The following MAPKAP1 variants were observed in gnomAD, a reference collection of about 807,000 sequenced individuals.
MAPKAP1 encodes MAPK associated protein 1, also known as target of rapamycin complex 2 subunit MAPKAP1.
A neutral mutation model predicts 65.7 loss-of-function variants in MAPKAP1; 20 were observed. That is an observed-to-expected ratio of 0.30 (90% CI 0.21 to 0.44). The LOEUF (loss-of-function observed/expected upper bound fraction) is 0.44. MAPKAP1 is among the 20% of genes least tolerant of loss of function. The pLI is 1.00. For missense variants in MAPKAP1, 423 were observed against 648.0 expected (o/e 0.65, Z 3.77); for synonymous variants, 222 against 244.3 (o/e 0.91, Z 0.85).
chr9:125,552,019 A>G (rs1830599165), intron 6 of MAPKAP1, among the ~76,000 whole-genome samples: 1 of 152,174 alleles, frequency 6.6e-6, no homozygotes, highest in Non-Finnish European at 1.5e-5. Context: ...GGGGTCAGCC[A>G]AAAACCTTCC....
chr9:125,507,694 C>T (rs1377690098), intron 7 of MAPKAP1, among the ~76,000 whole-genome samples: 3 of 152,190 alleles, frequency 2.0e-5, no homozygotes, highest in Admixed American at 2.0e-4. Context: ...TTTTACACTA[C>T]TTAAATAAAG....
At chr9:125,662,380 T>C (rs1195720875) in intron 3 of MAPKAP1, among the ~76,000 whole-genome samples, 1 of 152,104 alleles carries the variant, frequency 6.6e-6, no homozygotes, top group Non-Finnish European at 1.5e-5. Flanking sequence ...AGACCCTGTT[T>C]CAAAACAAAA....
At chr9:125,594,890 T>A (rs1589323065) in intron 4 of MAPKAP1, among the ~76,000 whole-genome samples, 1 of 152,256 alleles carries the variant, frequency 6.6e-6, no homozygotes, top group Admixed American at 6.5e-5. Flanking sequence ...GTAGAGCAGC[T>A]ATACCTTTTC....
rs375290028 is a variant in MAPKAP1, at chr9:125,693,836, T to TACACACACACACAC, written c.-70+13134_-70+13135insGTGTGTGTGTGTGT. Reference sequence around the variant, plus strand: ...ACACATATACACACACACACATATATATACACACATACACACACACACACA... The same window carrying TACACACACACACAC: ...ACACATATACACACACACACATATATACACACACACACACATACACACATACACACACACACACA... On this transcript the variant is annotated intron_variant, in intron 1 of 11. Transcript: ENST00000265960. 8.1e-3 allele frequency among the ~76,000 whole-genome samples: 972 copies of TACACACACACACAC among 119,404 alleles called. 10 individuals are homozygous for TACACACACACACAC. The highest frequency in any genetic ancestry group is 0.012 in the Middle Eastern group (3 of 248). The allele number at this position is 119,404 out of a possible 152,430, so 78.3% of individuals were successfully genotyped here. A position where few individuals can be genotyped will look rare whatever the true frequency, so the allele number is the denominator to read the frequency against.
intron 9 of MAPKAP1, among the ~76,000 whole-genome samples, chr9:125,475,013 G>A (rs1436881126): frequency 6.6e-6 from 1 of 152,176 alleles, no homozygotes; most frequent in Admixed American, 6.5e-5. Flanking sequence ...AGAGCAGTCA[G>A]GGAAGTCTTT....
intron 1 of MAPKAP1, among the ~76,000 whole-genome samples, chr9:125,683,112 C>G (rs1158432245): frequency 6.6e-6 from 1 of 150,814 alleles, no homozygotes; most frequent in African/African-American, 2.5e-5. Flanking sequence ...CCCGCCACCA[C>G]GCCCAGCTAA....
At chr9:125,562,455 G>A (rs1273197019) in intron 5 of MAPKAP1, among the ~76,000 whole-genome samples, 1 of 152,200 alleles carries the variant, frequency 6.6e-6, no homozygotes, top group African/African-American at 2.4e-5. Flanking sequence ...TGGGTCATCA[G>A]TAAAGTCTAG....
At chr9:125,501,030 G>C (rs1828963424) in intron 8 of MAPKAP1, among the ~76,000 whole-genome samples, 2 of 152,062 alleles carry the variant, frequency 1.3e-5, no homozygotes, top group Non-Finnish European at 2.9e-5. Flanking sequence ...ACTAGATATG[G>C]TATGAAATTT....
intron 10 of MAPKAP1, among the ~76,000 whole-genome samples, chr9:125,450,068 A>G (rs1364956839): frequency 1.3e-5 from 2 of 151,332 alleles, no homozygotes; most frequent in Non-Finnish European, 2.9e-5. Context: ...TATTACAGGT[A>G]CCCCCCACCA....
intron 3 of MAPKAP1, among the ~76,000 whole-genome samples, chr9:125,658,560 T>C (rs1834098494): frequency 6.6e-6 from 1 of 152,220 alleles, no homozygotes; most frequent in Admixed American, 6.5e-5. Context: ...AACTAGAATT[T>C]GCACCTGACC....
chr9:125,475,476 TA>T (rs1195874731), intron 9 of MAPKAP1, among the ~76,000 whole-genome samples: 3 of 152,198 alleles, frequency 2.0e-5, no homozygotes, highest in African/African-American at 4.8e-5. Context: ...GAACCACAGC[TA>T]AAAGCTGCCA....
chr9:125,468,475 AAC>A (rs1307892901), intron 9 of MAPKAP1, among the ~76,000 whole-genome samples: 1 of 152,244 alleles, frequency 6.6e-6, no homozygotes, highest in Non-Finnish European at 1.5e-5. Context: ...TTATTTAAAA[AAC>A]AGTTTTGATT....
intron 5 of MAPKAP1, among the ~76,000 whole-genome samples, chr9:125,582,550 T>TA (rs1247400870): frequency 6.6e-6 from 1 of 152,166 alleles, no homozygotes; most frequent in Non-Finnish European, 1.5e-5. Flanking sequence ...AACCAGGTCT[T>TA]ACACTGATAG....
chr9:125,641,183 T>C (rs954938439), intron 4 of MAPKAP1, among the ~76,000 whole-genome samples: 2 of 152,216 alleles, frequency 1.3e-5, no homozygotes, highest in African/African-American at 4.8e-5. Context: ...TCTTCATCTG[T>C]TAATCTTGAG....
chr9:125,689,156 AGCC>A, intron 1 of MAPKAP1, among the ~76,000 whole-genome samples: 1 of 151,942 alleles, frequency 6.6e-6, no homozygotes, highest in South Asian at 2.1e-4. Flanking sequence ...AGAACAGGCC[AGCC>A]GGGCGCGGTG....
At chr9:125,571,752 A>G (rs1831238742) in intron 5 of MAPKAP1, among the ~76,000 whole-genome samples, 1 of 152,140 alleles carries the variant, frequency 6.6e-6, no homozygotes, top group East Asian at 1.9e-4. Context: ...AATCCCAGCT[A>G]TTCGGGAGGC....
chr9:125,657,715 C>T lies in MAPKAP1; in HGVS notation c.434G>A (p.Arg145His), dbSNP rs1834070417. The T allele has an allele frequency of 4.3e-6, 7 of 1,613,816 alleles. No homozygotes were observed. The highest frequency in any genetic ancestry group is 5.9e-6 in the Non-Finnish European group (7 of 1,179,752). Residue 145 changes from arginine to histidine, a missense_variant, in exon 4 of 12, where the codon CGC becomes CAC. Coordinates refer to ENST00000265960, the MANE Select transcript of MAPKAP1 (RefSeq NM_001006617.3). ...CAGCTGCAGAGGGCACTGTTCTAGG[C>T]GTACAGATAATATCGACTGCTTCCC... Reference protein sequence around the residue: ...ISGKQSILSVRLEQCPLQLNN... With the variant: ...ISGKQSILSVHLEQCPLQLNN...
At position 125,597,539 on chromosome 9, in the gene MAPKAP1, T is replaced by C. The variant is rs1486422682; in HGVS notation, c.499-11812A>G. Among the ~76,000 whole-genome samples, 9 of 152,178 alleles carry C rather than the reference T, an allele frequency of 5.9e-5. 1 individual carries two copies. Among genetic ancestry groups the C allele is most frequent in the African/African-American group, 2.2e-4 (9 of 41,452 alleles). On this transcript the variant is annotated intron_variant, in intron 4 of 11. Coordinates refer to ENST00000265960, the MANE Select transcript of MAPKAP1 (RefSeq NM_001006617.3). ...CTAGCATTGCTATTTAATATCAAGG[T>C]TTCCCAGTAATAAATTGAGTATCAG...
At chr9:125,600,319 A>G (rs768006780) in intron 4 of MAPKAP1, among the ~76,000 whole-genome samples, 1 of 152,130 alleles carries the variant, frequency 6.6e-6, no homozygotes, top group Non-Finnish European at 1.5e-5. Context: ...TTTCACCAAC[A>G]TAAGTTACAT....
Sources: allele counts gnomAD v4.1 joint callset (sites outside exome capture counted in the v4.1 genomes callset), GRCh38; gene constraint gnomAD v4.1.1; transcripts MANE v1.5; gene names NCBI Gene and HGNC (gene_info 2026-07-23, HGNC 2026-07-21).